Variants in TENM1 observed in about 807,000 individuals in gnomAD.
The protein encoded by TENM1 is teneurin-1.
A neutral mutation model predicts 174.8 loss-of-function variants in TENM1; 35 were observed. That is an observed-to-expected ratio of 0.20 (90% CI 0.15 to 0.27). The LOEUF (loss-of-function observed/expected upper bound fraction) is 0.27, where lower values mean the gene tolerates loss of function less well. TENM1 is among the 10% of genes least tolerant of loss of function. TENM1 has a pLI of 1.00. For missense variants in TENM1, 1,633 were observed against 2,130.1 expected (o/e 0.77, Z 4.59); for synonymous variants, 781 against 798.7 (o/e 0.98, Z 0.37).
the TENM1 span, among the ~76,000 whole-genome samples, chrX:125,033,538 G>C: frequency 8.9e-6 from 1 of 111,842 alleles, no homozygotes; most frequent in African/African-American, 3.2e-5. Flanking sequence ...GTGAAGTTGA[G>C]AGTAGAAAAA....
intron 27 of TENM1, among the ~76,000 whole-genome samples, chrX:124,401,593 T>C (rs915859210): frequency 1.8e-5 from 2 of 111,923 alleles, no homozygotes; most frequent in South Asian, 3.7e-4. Flanking sequence ...AGAGAGAAAA[T>C]TGGCATCAGC....
chrX:124,947,825 C>T (rs2058424803), intron 1 of TENM1, among the ~76,000 whole-genome samples: 2 of 111,714 alleles, frequency 1.8e-5, no homozygotes, highest in South Asian at 7.5e-4. Flanking sequence ...TTGATTTATA[C>T]TTTTTATGAG....
chrX:125,162,466 T>G, the TENM1 span, among the ~76,000 whole-genome samples: 1 of 112,033 alleles, frequency 8.9e-6, no homozygotes, highest in Non-Finnish European at 1.9e-5. Flanking sequence ...TCCAGGTGCT[T>G]TTTTTCAATT....
At chrX:124,516,996 C>T (rs760574761) in intron 18 of TENM1, among the ~76,000 whole-genome samples, 18 of 111,401 alleles carry the variant, frequency 1.6e-4, no homozygotes, top group South Asian at 3.8e-4. Flanking sequence ...GTGTCTTTTG[C>T]GGGAACATGG....
chrX:124,567,581 T>C (rs989056917), intron 11 of TENM1, among the ~76,000 whole-genome samples: 5 of 111,434 alleles, frequency 4.5e-5, no homozygotes, highest in African/African-American at 1.6e-4. Flanking sequence ...AAAAGCCAAA[T>C]TGGAATGGGT....
chrX:124,642,447 T>C (rs1015875647), intron 10 of TENM1, among the ~76,000 whole-genome samples: 1 of 112,587 alleles, frequency 8.9e-6, no homozygotes, highest in Non-Finnish European at 1.9e-5. Flanking sequence ...ATTTTTGAAA[T>C]TTGGATTATT....
chrX:125,152,420 G>T, the TENM1 span, among the ~76,000 whole-genome samples: 3 of 111,856 alleles, frequency 2.7e-5, no homozygotes, highest in Admixed American at 1.9e-4. Context: ...AAAACGAAAA[G>T]ATATGAATTA....
chrX:124,612,757 C>T (rs1047159703), intron 11 of TENM1, among the ~76,000 whole-genome samples: 3 of 110,863 alleles, frequency 2.7e-5, no homozygotes, highest in African/African-American at 9.9e-5. Context: ...TCCCTCCCTC[C>T]CTTCCTCCTT....
intron 6 of TENM1, among the ~76,000 whole-genome samples, chrX:124,654,554 G>A (rs1183342732): frequency 3.6e-5 from 4 of 111,844 alleles, no homozygotes; most frequent in African/African-American, 6.5e-5. Flanking sequence ...ATTGGGAAGA[G>A]TGGCGCACAT....
At chrX:124,580,394 TTA>T (rs773304429) in intron 11 of TENM1, among the ~76,000 whole-genome samples, 1 of 109,809 alleles carries the variant, frequency 9.1e-6, no homozygotes, top group Non-Finnish European at 1.9e-5. Context: ...ATGTGGAATC[TTA>T]TATATATATA....
At chrX:125,139,593 A>G in the TENM1 span, among the ~76,000 whole-genome samples, 7 of 111,061 alleles carry the variant, frequency 6.3e-5, no homozygotes, top group East Asian at 2.0e-3. Context: ...ATGGCTAGGG[A>G]GTCCCAAAGA....
At chrX:125,056,801 T>C in the TENM1 span, among the ~76,000 whole-genome samples, 1 of 112,024 alleles carries the variant, frequency 8.9e-6, no homozygotes, top group African/African-American at 3.2e-5. Context: ...CCAAACGTTT[T>C]TGTAAAACCT....
At position 124,848,260 on chromosome X, in the gene TENM1, T is replaced by G. The variant is rs1160517607; in HGVS notation, c.535+46036A>C. On this transcript the variant is annotated intron_variant, in intron 3 of 31. Coordinates refer to ENST00000422452, the Ensembl canonical transcript of TENM1. ...TACATCTCTTGATATCATACAGCCT[T>G]GGAAGTAGTTTCCAAATTTTTTAGT... Among the ~76,000 whole-genome samples the G allele has an allele frequency of 2.7e-5, 3 of 109,313 alleles. No individual in the cohort carries two copies. The East Asian group carries it at 8.5e-4, about 31-fold the overall frequency. 94.9% of individuals were successfully genotyped at this position (109,313 alleles called of 115,157 possible). A position where few individuals can be genotyped will look rare whatever the true frequency, so the allele number is the denominator to read the frequency against.
At chrX:125,000,695 G>A in the TENM1 span, among the ~76,000 whole-genome samples, 1 of 111,457 alleles carries the variant, frequency 9.0e-6, no homozygotes, top group African/African-American at 3.3e-5. Flanking sequence ...AAATGACCAC[G>A]TACATGTTGA....
At chrX:124,607,633 C>T (rs1440537571) in intron 11 of TENM1, among the ~76,000 whole-genome samples, 1 of 110,758 alleles carries the variant, frequency 9.0e-6, no homozygotes, top group African/African-American at 3.3e-5. Flanking sequence ...GGGTAGGGCC[C>T]TGTAGATTAT....
At chrX:125,013,526 G>A in the TENM1 span, among the ~76,000 whole-genome samples, 1 of 111,300 alleles carries the variant, frequency 9.0e-6, no homozygotes, top group African/African-American at 3.3e-5. Context: ...TTAACATGAA[G>A]TGCTAATATT....
chrX:124,693,144 G>A (rs1238493566), intron 5 of TENM1, among the ~76,000 whole-genome samples: 3 of 109,717 alleles, frequency 2.7e-5, no homozygotes, highest in Non-Finnish European at 5.7e-5. Context: ...CCACTAAAAG[G>A]CCCAGAGATG....
chrX:125,190,317 G>A, the TENM1 span, among the ~76,000 whole-genome samples: 1 of 112,286 alleles, frequency 8.9e-6, no homozygotes, highest in East Asian at 2.8e-4. Flanking sequence ...GACTGTGGCT[G>A]AATAGCCAAG....
At chrX:124,456,418 C>T (rs1484205058) in intron 22 of TENM1, among the ~76,000 whole-genome samples, 5 of 111,840 alleles carry the variant, frequency 4.5e-5, no homozygotes, top group Non-Finnish European at 9.4e-5. Flanking sequence ...CATTTGCCTT[C>T]CCTTACCAAC....
Sources: gnomAD v4.1 joint callset for allele counts (sites outside exome capture counted in the v4.1 genomes callset) on GRCh38, gnomAD v4.1.1 for gene constraint, MANE v1.5 for transcripts, NCBI Gene and HGNC (gene_info 2026-07-23, HGNC 2026-07-21) for gene names.